UTRN: variants seen among roughly 807,000 people sequenced by gnomAD.
UTRN encodes the protein dystrophin-related protein 1.
Under a neutral mutation model 463.9 loss-of-function variants are expected in UTRN, and 283 were observed. That is an observed-to-expected ratio of 0.61 (90% CI 0.55 to 0.67). UTRN has a LOEUF of 0.67. Among genes scored for constraint, UTRN ranks in the 30% least tolerant of loss-of-function variants. The pLI, the probability that UTRN is intolerant of heterozygous loss-of-function variation, is 0.00. For synonymous variants in UTRN, 1,442 were observed against 1,431.5 expected, an observed-to-expected ratio of 1.01 and a Z score of -0.17; for missense variants, 3,922 against 4,084.3, an observed-to-expected ratio of 0.96 and a Z score of 1.08.
chr6:144,423,721 T>C, intron 5 of UTRN, 95 bp downstream of exon 5: 1 of 1,401,804 alleles, frequency 7.1e-7, no homozygotes, highest in Non-Finnish European at 1.0e-6. Flanking sequence ...CATCCACTGA[T>C]TCTTGCAAAC....
chr6:144,309,222 C>T (rs1160730577), intron 2 of UTRN, among the ~76,000 whole-genome samples: 8 of 152,196 alleles, frequency 5.3e-5, no homozygotes, highest in Non-Finnish European at 8.8e-5. Flanking sequence ...AGTCCTTGGA[C>T]CTCCTCTCTG....
At chr6:144,538,739 GTTAC>G (rs976709559) in intron 44 of UTRN, among the ~76,000 whole-genome samples, 17 of 152,230 alleles carry the variant, frequency 1.1e-4, no homozygotes, top group South Asian at 4.1e-4. Flanking sequence ...TGTGTGAAAG[GTTAC>G]TTACTAATTC....
In UTRN at chr6:144,444,378, A is replaced by G. The variant is rs771704699; in HGVS notation, c.1610A>G (p.Glu537Gly). 1 of 1,606,122 alleles carries G rather than the reference A, an allele frequency of 6.2e-7. No homozygotes were observed. Among genetic ancestry groups the G allele is most frequent in the East Asian group, 2.2e-5 (1 of 44,470 alleles). ...ATATTGTGGCAGGAATTATTGGAAG[A>G]ACAGGTATGAAACTGTTTTCCATAA... ...INILWQELLE[E>G]QCLLKAWLTE... The change falls in exon 14 of 75, where the codon GAA (glutamate) becomes GGA (glycine). Residue 537 changes from glutamate to glycine, a missense_variant. Physicochemically the swap from Glu to Gly is moderately conservative, Grantham distance 98. This residue lies in a region of UTRN where 2,349 missense variants were observed against 2,303.8 expected (regional missense o/e 1.02). Coordinates refer to ENST00000367545, the MANE Select transcript of UTRN (RefSeq NM_007124.3).
chr6:144,332,303 G>T (rs963177775), intron 2 of UTRN, among the ~76,000 whole-genome samples: 5 of 152,210 alleles, frequency 3.3e-5, no homozygotes, highest in Non-Finnish European at 7.3e-5. Flanking sequence ...TCACGATTGT[G>T]TCCATAGTGC....
At chr6:144,561,028 T>G (rs1799816428) in intron 50 of UTRN, among the ~76,000 whole-genome samples, 1 of 151,374 alleles carries the variant, frequency 6.6e-6, no homozygotes. Flanking sequence ...CCACTACTTT[T>G]TTTACTTATC....
chr6:144,627,815 T>A (rs1776101012), intron 51 of UTRN, among the ~76,000 whole-genome samples: 1 of 149,808 alleles, frequency 6.7e-6, no homozygotes, highest in Non-Finnish European at 1.5e-5. Context: ...TTTTTTTTTT[T>A]TTGAGGTGGA....
At chr6:144,635,843 C>T (rs1777114597) in intron 51 of UTRN, among the ~76,000 whole-genome samples, 1 of 151,926 alleles carries the variant, frequency 6.6e-6, no homozygotes, top group South Asian at 2.1e-4. Context: ...CCAGCCTAGG[C>T]CCCCCTGCTG....
chr6:144,429,804 T>C (rs1785634302), intron 9 of UTRN, 63 bp downstream of exon 9: 3 of 1,543,928 alleles, frequency 1.9e-6, no homozygotes, highest in African/African-American at 1.4e-5. Flanking sequence ...AGGTACTAGA[T>C]AAAAACACTT....
At chr6:144,302,896 C>T (rs1191647824) in intron 2 of UTRN, among the ~76,000 whole-genome samples, 1 of 152,064 alleles carries the variant, frequency 6.6e-6, no homozygotes, top group African/African-American at 2.4e-5. Flanking sequence ...GAAGTCTGTC[C>T]CTGGTAACTG....
chr6:144,544,038 G>T (rs145401203), intron 46 of UTRN, among the ~76,000 whole-genome samples: 5 of 152,228 alleles, frequency 3.3e-5, no homozygotes, highest in Non-Finnish European at 2.9e-5. Context: ...ATCGTCATGG[G>T]TTATCTTACT....
At chr6:144,421,997 G>A (rs751956540) in intron 4 of UTRN, 27 bp downstream of exon 4, 15 of 1,583,028 alleles carry the variant, frequency 9.5e-6, no homozygotes, top group East Asian at 2.3e-5. Flanking sequence ...TGTAAACAAC[G>A]GAGTCTCCGG....
chr6:144,368,395 A>ACCAACAAACATATACC (rs1211275876), intron 2 of UTRN, among the ~76,000 whole-genome samples: 1 of 152,212 alleles, frequency 6.6e-6, no homozygotes, highest in Non-Finnish European at 1.5e-5. Context: ...ATTTGTTGGT[A>ACCAACAAACATATACC]TATGTTAATT....
chr6:144,697,833 G>A (rs896485483), intron 52 of UTRN, among the ~76,000 whole-genome samples: 4 of 152,086 alleles, frequency 2.6e-5, no homozygotes, highest in African/African-American at 9.7e-5. Context: ...AGACTGCATT[G>A]GAAAATATGT....
At chr6:144,377,600 G>C (rs79108267) in intron 2 of UTRN, among the ~76,000 whole-genome samples, 1 of 152,088 alleles carries the variant, frequency 6.6e-6, no homozygotes, top group Non-Finnish European at 1.5e-5. Flanking sequence ...TTTTTCTACC[G>C]GAGTGCCATT....
intron 14 of UTRN, among the ~76,000 whole-genome samples, chr6:144,446,803 G>A (rs1383508345): frequency 6.6e-6 from 1 of 152,210 alleles, no homozygotes; most frequent in Non-Finnish European, 1.5e-5. Context: ...AGTGATCTGG[G>A]ACATGTAACT....
intron 65 of UTRN, among the ~76,000 whole-genome samples, chr6:144,811,036 A>G (rs572437348): frequency 9.8e-5 from 15 of 152,342 alleles, no homozygotes; most frequent in Middle Eastern, 3.4e-3. Flanking sequence ...GAGAAGAATC[A>G]TATTTTCAGT....
chr6:144,782,388 A>G (rs1775910655), intron 61 of UTRN, among the ~76,000 whole-genome samples: 1 of 152,108 alleles, frequency 6.6e-6, no homozygotes, highest in East Asian at 1.9e-4. Flanking sequence ...TTCTTTGCCA[A>G]AATGCTAGGG....
Position 144,539,350 on chromosome 6 carries a change from T to C in UTRN, c.6426T>C (p.Thr2142=), listed in dbSNP as rs1454253840. The change falls in exon 45 of 75, where the codon ACT becomes ACC. Residue 2142 remains threonine, a synonymous_variant. Transcript: ENST00000367545. ...AAAAACTCAAATGGCTGAATAGAAC[T>C]GAATTGGAGATGCTTTCAGATAAAA... ...HAEKLKWLNR[T]ELEMLSDKSL... 6.2e-7 allele frequency: 1 copy of C among 1,613,424 alleles called. No individual in the cohort carries two copies. The highest frequency in any genetic ancestry group is 8.5e-7 in the Non-Finnish European group (1 of 1,179,724).
rs147313281 is a variant in UTRN, at chr6:144,292,586, C to T, written c.79+679C>T. Among the ~76,000 whole-genome samples, 107 of 152,192 alleles carry T rather than the reference C, an allele frequency of 7.0e-4. 1 individual carries two copies. The highest frequency in any genetic ancestry group is 2.4e-3 in the African/African-American group (100 of 41,512). On this transcript the variant is annotated intron_variant, in intron 2 of 74. Coordinates refer to ENST00000367545, the MANE Select transcript of UTRN (RefSeq NM_007124.3). ...CAGATGCATTGGCTCCATTCCAGAC[C>T]CATTGAATAAAAATTTCTGTATTTT... is the stretch of plus-strand genomic sequence containing the variant.
Sources: gnomAD v4.1 joint callset for allele counts (sites outside exome capture counted in the v4.1 genomes callset) on GRCh38, gnomAD v4.1.1 for gene constraint, gnomAD v4.1.1 regional missense constraint, MANE v1.5 for transcripts, NCBI Gene and HGNC (gene_info 2026-07-23, HGNC 2026-07-21) for gene names.